Variants in NAA30 observed in about 807,000 individuals in gnomAD.
NAA30 encodes the protein N-alpha-acetyltransferase 30, NatC catalytic subunit.
NAA30 carries 5 observed loss-of-function variants against 31.4 expected under a neutral mutation model. The ratio of observed to expected loss-of-function variants is 0.16; its 90% CI spans 0.08 to 0.33. NAA30 has a LOEUF of 0.33. NAA30 is among the 10% of genes least tolerant of loss of function. The pLI is 1.00. For missense variants in NAA30, 428 were observed against 490.8 expected (o/e 0.87, Z 1.21); for synonymous variants, 222 against 207.1 (o/e 1.07, Z -0.62).
At position 57,405,322 on chromosome 14, in the gene NAA30, C is replaced by T. The variant is rs1447215774; in HGVS notation, c.952-4057C>T. On this transcript the variant is annotated intron_variant, in intron 4 of 4. Transcript: ENST00000556492. The stretch of plus-strand genomic sequence containing the variant: ...AGAAAAGTCCAACTTAGAAAAGGTA[C>T]AGTCATTCTTTTTCCCCCATTATAA... Among the ~76,000 whole-genome samples the T allele has an allele frequency of 2.6e-5, 4 of 151,736 alleles. No individual in the cohort carries two copies. The East Asian group carries it at 7.7e-4, about 29-fold the overall frequency.
In NAA30 at chr14:57,414,327, C is replaced by A. The variant is rs2066537930; in HGVS notation, c.*4811C>A. The A allele has an allele frequency of 6.6e-6, 1 of 152,190 alleles. No individual in the cohort carries two copies. The highest frequency in any genetic ancestry group is 2.4e-5 in the African/African-American group (1 of 41,448). 9.4% of individuals were successfully genotyped at this position (152,190 alleles called of 1,614,324 possible). On this transcript the variant is annotated 3_prime_UTR_variant, in exon 5 of 5. Coordinates refer to ENST00000556492, the MANE Select transcript of NAA30 (RefSeq NM_001011713.3). ...TATATTTCATTAATACAGTGTTTGA[C>A]CACTTTCCACCCCACCAACCACTGC...
At chr14:57,398,971 C>T (rs1342391206) in intron 3 of NAA30, among the ~76,000 whole-genome samples, 1 of 151,440 alleles carries the variant, frequency 6.6e-6, no homozygotes, top group East Asian at 1.9e-4. Flanking sequence ...GGGGTTTTGC[C>T]ATGACCTCAG....
At chr14:57,394,474 A>G (rs2066442627) in intron 2 of NAA30, among the ~76,000 whole-genome samples, 1 of 152,148 alleles carries the variant, frequency 6.6e-6, no homozygotes, top group South Asian at 2.1e-4. Flanking sequence ...CCAAATGTAT[A>G]TGCAGAGCTT....
rs535349947 is a variant in NAA30, at chr14:57,407,278, G to C, written c.952-2101G>C. Among the ~76,000 whole-genome samples the C allele has an allele frequency of 5.3e-5, 8 of 152,182 alleles. 2 individuals carry two copies. The highest frequency in any genetic ancestry group is 2.1e-4 in the South Asian group (1 of 4,802). ...CAACTTGTATTTTAGGTTTTCTTAG[G>C]AGCGTGTTTTCTTGATCCTGAACTG... On this transcript the variant is annotated intron_variant, in intron 4 of 4. Transcript: ENST00000556492.
chr14:57,391,425 A>C lies in NAA30; in HGVS notation c.468A>C (p.Ala156=). ...ARTAVPSPVE[A]AAASDPAAAR... is the part of the protein sequence containing the mutation. Reference sequence around the variant, plus strand: ...CTGCGGTCCCCAGCCCGGTGGAGGCAGCGGCGGCGAGCGATCCCGCGGCGG... The same window carrying C: ...CTGCGGTCCCCAGCCCGGTGGAGGCCGCGGCGGCGAGCGATCCCGCGGCGG... Residue 156 remains alanine (A), a synonymous_variant, in exon 2 of 5, where the codon GCA becomes GCC. Coordinates refer to ENST00000556492, the MANE Select transcript of NAA30 (RefSeq NM_001011713.3). The surrounding 1 kb of genome is among the most constrained non-coding windows in gnomAD (Gnocchi z 4.1). 6.2e-7 allele frequency: 1 copy of C among 1,605,664 alleles called. No individual in the cohort carries two copies. The highest frequency in any genetic ancestry group is 1.1e-5 in the South Asian group (1 of 90,684).
At chr14:57,394,683 A>G (rs1344783875) in intron 2 of NAA30, among the ~76,000 whole-genome samples, 2 of 152,186 alleles carry the variant, frequency 1.3e-5, no homozygotes, top group Non-Finnish European at 2.9e-5. Flanking sequence ...GGAAGAAATC[A>G]GGTCTTAAGA....
In NAA30 at chr14:57,391,313, A is replaced by C. The variant is rs748214646; in HGVS notation, c.356A>C (p.Asp119Ala). The C allele has an allele frequency of 6.2e-7, 1 of 1,611,212 alleles. No homozygotes were observed. Among genetic ancestry groups the C allele is most frequent in the Non-Finnish European group, 8.5e-7 (1 of 1,179,210 alleles). ...GTGGCCGCGACCACAGCCACCCCTG[A>C]CGGAGGCCCCAGAGCGACTGCAACA... ...AEVAATTATP[D>A]GGPRATATKG... Residue 119 changes from aspartate to alanine, a missense_variant, in exon 2 of 5, where the codon GAC becomes GCC. Around this residue, in one of 2 missense-constraint regions of NAA30, gnomAD observed 349 missense variants for 310.4 expected, o/e 1.12. Coordinates refer to ENST00000556492, the MANE Select transcript of NAA30 (RefSeq NM_001011713.3). This position sits in a 1 kb window ranked among gnomAD's most constrained non-coding sequence, Gnocchi z 4.1.
chr14:57,397,321 A>G (rs2066454924), intron 3 of NAA30, among the ~76,000 whole-genome samples: 1 of 152,210 alleles, frequency 6.6e-6, no homozygotes, highest in Non-Finnish European at 1.5e-5. Flanking sequence ...TCAACTATAT[A>G]TTGCAATTCA....
chr14:57,396,991 A>T (rs2066453449), intron 3 of NAA30, 116 bp downstream of exon 3: 15 of 960,900 alleles, frequency 1.6e-5, no homozygotes, highest in Non-Finnish European at 2.2e-5. Context: ...AAGGGAAGAA[A>T]ATTAAGGCGG....
intron 4 of NAA30, among the ~76,000 whole-genome samples, chr14:57,405,469 C>G (rs1422802835): frequency 6.6e-6 from 1 of 151,360 alleles, no homozygotes; most frequent in Non-Finnish European, 1.5e-5. Flanking sequence ...AAACATTATG[C>G]TATGTGATAG....
rs904385322 is a variant in NAA30, at chr14:57,413,291, A to G, written c.*3775A>G. 15 of 152,210 alleles carry G rather than the reference A, an allele frequency of 9.9e-5. No individual in the cohort carries two copies. The highest frequency in any genetic ancestry group is 3.6e-4 in the African/African-American group (15 of 41,448). The allele number at this position is 152,210 out of a possible 1,614,324, so 9.4% of individuals were successfully genotyped here. On this transcript the variant is annotated 3_prime_UTR_variant, in exon 5 of 5. Coordinates refer to ENST00000556492, the MANE Select transcript of NAA30 (RefSeq NM_001011713.3). ...TCTGTTTTAATCATTTAACTGCTAA[A>G]TTACTTTTATCATGCATGCCAAATC...
At position 57,411,995 on chromosome 14, in the gene NAA30, T is replaced by C. The variant is rs1334350407; in HGVS notation, c.*2479T>C. ...GGTGCTGCCTCTTTAGGACTGACTG[T>C]ACTATCCACTGACACTGGTTTGGCA... On this transcript the variant is annotated 3_prime_UTR_variant, in exon 5 of 5. Coordinates refer to ENST00000556492, the MANE Select transcript of NAA30 (RefSeq NM_001011713.3). The C allele has an allele frequency of 6.6e-6, 1 of 152,176 alleles. No individual in the cohort carries two copies. The highest frequency in any genetic ancestry group is 2.4e-5 in the African/African-American group (1 of 41,460). The allele number at this position is 152,176 out of a possible 1,614,324, so 9.4% of individuals were successfully genotyped here.
chr14:57,402,879 C>G (rs962276184), intron 4 of NAA30, among the ~76,000 whole-genome samples: 1 of 152,108 alleles, frequency 6.6e-6, no homozygotes, highest in Non-Finnish European at 1.5e-5. Flanking sequence ...ATCTGTGAAC[C>G]TTTTAATAGA....
At chr14:57,390,886 C>G in intron 1 of NAA30, 71 bp from the exon 2 acceptor site, 1 of 1,425,952 alleles carries the variant, frequency 7.0e-7, no homozygotes, top group Non-Finnish European at 9.1e-7. Flanking sequence ...GCCCCCCATC[C>G]GTCGCCCCCT....
rs2066527981 is a variant in NAA30 at position 57,412,455 on chromosome 14, A to G, written c.*2939A>G. 1 of 152,212 alleles carries G rather than the reference A, an allele frequency of 6.6e-6. No individual in the cohort carries two copies. Among genetic ancestry groups the G allele is most frequent in the Non-Finnish European group, 1.5e-5 (1 of 68,024 alleles). 9.4% of individuals were successfully genotyped at this position (152,212 alleles called of 1,614,324 possible). Reference sequence around the variant, plus strand: ...GGAGTATAGATAAAATCAAATTGGTAGTACATCAGAGTTACTTTTCAGTGC... The same window carrying G: ...GGAGTATAGATAAAATCAAATTGGTGGTACATCAGAGTTACTTTTCAGTGC... On this transcript the variant is annotated 3_prime_UTR_variant, in exon 5 of 5. Coordinates refer to ENST00000556492, the MANE Select transcript of NAA30 (RefSeq NM_001011713.3).
At chr14:57,399,954 T>C in intron 4 of NAA30, 71 bp downstream of exon 4, 1 of 768,082 alleles carries the variant, frequency 1.3e-6, no homozygotes, top group Non-Finnish European at 2.2e-6. Context: ...AATAAATATT[T>C]TATAATTTAT....
At chr14:57,393,892 C>CCATT (rs1477168020) in intron 2 of NAA30, among the ~76,000 whole-genome samples, 3 of 152,044 alleles carry the variant, frequency 2.0e-5, no homozygotes, top group Non-Finnish European at 4.4e-5. Flanking sequence ...TACCCTTGAT[C>CCATT]CATTCAGTGA....
At chr14:57,398,397 G>T (rs2066460120) in intron 3 of NAA30, among the ~76,000 whole-genome samples, 6 of 152,094 alleles carry the variant, frequency 3.9e-5, no homozygotes. Context: ...GACATACTTT[G>T]TTTGGGCCAT....
chr14:57,403,221 T>C lies in NAA30; in HGVS notation c.951+3338T>C, dbSNP rs141785866. ...TGGAAATCTCCGTGAAACCTTACTGTGCTCCGTGGCCGGAAAAAAAAAAAA... is the reference window on the plus strand; with the variant it reads ...TGGAAATCTCCGTGAAACCTTACTGCGCTCCGTGGCCGGAAAAAAAAAAAA... On this transcript the variant is annotated intron_variant, in intron 4 of 4. Coordinates refer to ENST00000556492, the MANE Select transcript of NAA30 (RefSeq NM_001011713.3). Among the ~76,000 whole-genome samples, 4 of 136,114 alleles carry C rather than the reference T, an allele frequency of 2.9e-5. No individual in the cohort carries two copies. The East Asian group carries it at 8.8e-4, about 30-fold the overall frequency. 89.3% of individuals were successfully genotyped at this position (136,114 alleles called of 152,430 possible).
Sources: allele counts gnomAD v4.1 joint callset (sites outside exome capture counted in the v4.1 genomes callset), GRCh38; gene constraint gnomAD v4.1.1; regional missense constraint gnomAD v4.1.1; non-coding constraint Gnocchi (gnomAD v3.1); transcripts MANE v1.5; gene names NCBI Gene and HGNC (gene_info 2026-07-23, HGNC 2026-07-21).